The following DCC variants were observed in gnomAD, a reference collection of about 807,000 sequenced individuals.
DCC encodes the protein DCC netrin 1 receptor.
DCC carries 58 observed loss-of-function variants against 172.5 expected under a neutral mutation model. The observed-to-expected ratio is 0.34, with a 90% CI of 0.27 to 0.42. DCC has a LOEUF of 0.42. Among genes scored for constraint, DCC ranks in the 10% least tolerant of loss-of-function variants. The pLI is 1.00. For missense variants in DCC, 1,740 were observed against 1,791.0 expected, an observed-to-expected ratio of 0.97 and a Z score of 0.51; for synonymous variants, 709 against 644.5, an observed-to-expected ratio of 1.10 and a Z score of -1.52.
At chr18:53,013,831 G>T (rs566362119) in intron 5 of DCC, among the ~76,000 whole-genome samples, 132 of 152,140 alleles carry the variant, frequency 8.7e-4, no homozygotes, top group African/African-American at 3.1e-3. Flanking sequence ...TAAAGAAGCA[G>T]ATTTCAAATT....
intron 27 of DCC, among the ~76,000 whole-genome samples, chr18:53,520,730 T>G (rs763831003): frequency 1.3e-5 from 2 of 152,076 alleles, no homozygotes; most frequent in Non-Finnish European, 2.9e-5. Flanking sequence ...GGTGTCTGCC[T>G]TCCGACAAAG....
At chr18:53,344,788 T>C (rs935847599) in intron 15 of DCC, among the ~76,000 whole-genome samples, 4 of 151,764 alleles carry the variant, frequency 2.6e-5, no homozygotes, top group African/African-American at 4.8e-5. Context: ...ATATTGCATA[T>C]TGCAGTAAGA....
intron 7 of DCC, among the ~76,000 whole-genome samples, chr18:53,083,238 A>G (rs1454264711): frequency 6.6e-6 from 1 of 152,160 alleles, no homozygotes. Context: ...ATGACCATGA[A>G]TGAGATATAC....
At chr18:52,783,801 T>C (rs2037601266) in intron 2 of DCC, among the ~76,000 whole-genome samples, 1 of 151,952 alleles carries the variant, frequency 6.6e-6, no homozygotes, top group Non-Finnish European at 1.5e-5. Context: ...GGGCAATACA[T>C]ACTTCATAAA....
chr18:52,591,309 T>TAA (rs1191006548), intron 1 of DCC, among the ~76,000 whole-genome samples: 2 of 152,180 alleles, frequency 1.3e-5, no homozygotes, highest in Non-Finnish European at 2.9e-5. Flanking sequence ...ATTTTTATTA[T>TAA]AACAAAAATT....
At position 53,157,738 on chromosome 18, in the gene DCC, ATATAT is replaced by A. The variant is rs562714810; in HGVS notation, c.1418+230_1418+234del. Among the ~76,000 whole-genome samples the A allele has an allele frequency of 1.3e-3, 200 of 152,260 alleles. 2 individuals carry two copies. The highest frequency in any genetic ancestry group is 0.012 in the South Asian group (59 of 4,826). On this transcript the variant is annotated intron_variant, in intron 8 of 28. Coordinates refer to ENST00000442544, the MANE Select transcript of DCC (RefSeq NM_005215.4). ...TAAAAAATCCTTGAAAAAGGTAAGA[ATATAT>A]TATGTCAATTTTTTATTTCTTTGGT...
intron 5 of DCC, among the ~76,000 whole-genome samples, chr18:52,961,511 A>G (rs5002785): frequency 0.013 from 2,048 of 152,246 alleles, 61 homozygotes; most frequent in African/African-American, 0.047. Flanking sequence ...TGAGCCAGGA[A>G]GAGGGTATAC....
At chr18:52,786,099 G>C (rs2037652539) in intron 2 of DCC, among the ~76,000 whole-genome samples, 1 of 152,008 alleles carries the variant, frequency 6.6e-6, no homozygotes, top group African/African-American at 2.4e-5. Flanking sequence ...TGGTGTAGTA[G>C]GTACTTTCCA....
At chr18:53,037,378 CAG>C (rs1461462533) in intron 5 of DCC, among the ~76,000 whole-genome samples, 1 of 151,914 alleles carries the variant, frequency 6.6e-6, no homozygotes, top group African/African-American at 2.4e-5. Flanking sequence ...AACAGGAAGA[CAG>C]TGGTCTGACC....
chr18:53,154,512 A>G (rs2054696598), intron 7 of DCC, among the ~76,000 whole-genome samples: 2 of 152,194 alleles, frequency 1.3e-5, no homozygotes, highest in East Asian at 3.9e-4. Context: ...TTATATTTTT[A>G]TAAGCTCATT....
rs969684 is a variant in DCC, at chr18:53,511,639, G to A, written c.4111+12129G>A. On this transcript the variant is annotated intron_variant, in intron 27 of 28. Transcript: ENST00000442544. ...GAGCCAAAGCAGGGCGAGGCATTGC[G>A]TCACTTGGGAAGCGCAAGGGGTCAG... Among the ~76,000 whole-genome samples, 42 of 152,260 alleles carry A rather than the reference G, an allele frequency of 2.8e-4. No homozygotes were observed. In the South Asian group the frequency reaches 7.0e-3, roughly 26 times the overall value.
At chr18:53,105,788 C>A (rs187396615) in intron 7 of DCC, among the ~76,000 whole-genome samples, 2 of 151,812 alleles carry the variant, frequency 1.3e-5, no homozygotes, top group East Asian at 2.0e-4. Flanking sequence ...AGGTTATTTT[C>A]TTATCAGTCT....
rs7243145 is a variant in DCC, at chr18:53,365,074, C to G, written c.2360-20969C>G. ...ATATCTCCTAATACTATCCCTCCCCCCTCCTCCCACCCCACAACAGGCCCT... is the reference window on the plus strand; with the variant it reads ...ATATCTCCTAATACTATCCCTCCCCGCTCCTCCCACCCCACAACAGGCCCT... On this transcript the variant is annotated intron_variant, in intron 15 of 28. Coordinates refer to ENST00000442544, the MANE Select transcript of DCC (RefSeq NM_005215.4). Among the ~76,000 whole-genome samples, 636 of 152,010 alleles carry G rather than the reference C, an allele frequency of 4.2e-3. 3 individuals carry two copies. The highest frequency in any genetic ancestry group is 0.015 in the African/African-American group (608 of 41,464).
At chr18:53,125,279 TC>T (rs1320116219) in intron 7 of DCC, among the ~76,000 whole-genome samples, 2 of 152,084 alleles carry the variant, frequency 1.3e-5, no homozygotes, top group African/African-American at 4.8e-5. Flanking sequence ...ATAGTACCTT[TC>T]TTTTTCACAG....
At chr18:52,794,824 G>T (rs1339538709) in intron 2 of DCC, among the ~76,000 whole-genome samples, 5 of 151,734 alleles carry the variant, frequency 3.3e-5, no homozygotes, top group Non-Finnish European at 7.4e-5. Context: ...TCTTTTTATT[G>T]TTGAGAGTTT....
At position 52,340,607 on chromosome 18, in the gene DCC, G is replaced by C. The variant is rs1983582153; in HGVS notation, c.-181G>C. 1.4e-6 allele frequency: 1 copy of C among 691,762 alleles called. No homozygotes were observed. Among genetic ancestry groups the C allele is most frequent in the Non-Finnish European group, 2.6e-6 (1 of 379,520 alleles). The allele number at this position is 691,762 out of a possible 1,614,324, so 42.9% of individuals were successfully genotyped here. A position where few individuals can be genotyped will look rare whatever the true frequency, so the allele number is the denominator to read the frequency against. ...ATTCTGTCAGTGGACAAGGAAAAAGGCTTCGAAGGCAGCAGAGGCGCAGGG... is the reference window on the plus strand; with the variant it reads ...ATTCTGTCAGTGGACAAGGAAAAAGCCTTCGAAGGCAGCAGAGGCGCAGGG... On this transcript the variant is annotated 5_prime_UTR_variant, in exon 1 of 29. Coordinates refer to ENST00000442544, the MANE Select transcript of DCC (RefSeq NM_005215.4).
intron 2 of DCC, among the ~76,000 whole-genome samples, chr18:52,884,599 C>A (rs531569010): frequency 1.3e-5 from 2 of 151,940 alleles, no homozygotes; most frequent in East Asian, 1.9e-4. Context: ...AATTTCTTTG[C>A]GGTGTTATCT....
chr18:52,840,084 CA>C (rs1228212878), intron 2 of DCC, among the ~76,000 whole-genome samples: 7 of 152,226 alleles, frequency 4.6e-5, no homozygotes, highest in Middle Eastern at 3.4e-3. Flanking sequence ...AGAAGGCTCC[CA>C]GGGGGTGCAG....
At chr18:52,830,464 T>C (rs1185055470) in intron 2 of DCC, among the ~76,000 whole-genome samples, 4 of 152,160 alleles carry the variant, frequency 2.6e-5, no homozygotes, top group Non-Finnish European at 2.9e-5. Context: ...TACTATTTAA[T>C]AGGATCCCTC....
Sources: allele counts gnomAD v4.1 joint callset (sites outside exome capture counted in the v4.1 genomes callset), GRCh38; gene constraint gnomAD v4.1.1; transcripts MANE v1.5; gene names NCBI Gene and HGNC (gene_info 2026-07-23, HGNC 2026-07-21).